MORN5: variants seen among roughly 807,000 people sequenced by gnomAD.
MORN5 encodes MORN repeat-containing protein 5.
Under a neutral mutation model 22.1 loss-of-function variants are expected in MORN5, and 21 were observed. That is an observed-to-expected ratio of 0.95 (90% CI 0.67 to 1.37). MORN5 has a LOEUF of 1.37. Among genes scored for constraint, MORN5 ranks in the 40% most tolerant of loss-of-function variants. The pLI, the probability that MORN5 is intolerant of heterozygous loss-of-function variation, is 0.00. For missense variants in MORN5, 211 were observed against 215.1 expected, an observed-to-expected ratio of 0.98 and a Z score of 0.12; for synonymous variants, 73 against 74.0, an observed-to-expected ratio of 0.99 and a Z score of 0.07.
At chr9:122,176,931 CAGG>C (rs1199115554) in intron 4 of MORN5, among the ~76,000 whole-genome samples, 6 of 152,134 alleles carry the variant, frequency 3.9e-5, no homozygotes, top group Non-Finnish European at 8.8e-5. Context: ...TGATGGCTAC[CAGG>C]GAACTAGAAA....
intron 4 of MORN5, among the ~76,000 whole-genome samples, chr9:122,191,346 G>A (rs375008624): frequency 1.3e-5 from 2 of 152,176 alleles, no homozygotes; most frequent in African/African-American, 4.8e-5. Context: ...GCACACACTC[G>A]CAGCTTCACT....
intron 4 of MORN5, among the ~76,000 whole-genome samples, chr9:122,192,816 C>T (rs929303420): frequency 2.2e-4 from 33 of 152,338 alleles, no homozygotes; most frequent in African/African-American, 5.8e-4. Flanking sequence ...GGCGTGCCTG[C>T]CTTGCCCTCT....
chr9:122,183,081 A>G (rs1045949421), intron 4 of MORN5, among the ~76,000 whole-genome samples: 1 of 152,252 alleles, frequency 6.6e-6, no homozygotes, highest in African/African-American at 2.4e-5. Context: ...TTCCCAAGTG[A>G]ATGAAAAGGT....
intron 4 of MORN5, among the ~76,000 whole-genome samples, chr9:122,186,194 A>G (rs1327406699): frequency 6.6e-6 from 1 of 152,164 alleles, no homozygotes; most frequent in Non-Finnish European, 1.5e-5. Flanking sequence ...GGTGCCAGGG[A>G]CTTACCACAT....
chr9:122,196,395 G>C (rs145789115), intron 4 of MORN5, among the ~76,000 whole-genome samples: 1 of 149,676 alleles, frequency 6.7e-6, no homozygotes, highest in East Asian at 2.0e-4. Context: ...GGGCAGTGGC[G>C]CAATCTCGGC....
At chr9:122,185,447 C>T (rs1189446230) in intron 4 of MORN5, among the ~76,000 whole-genome samples, 3 of 144,068 alleles carry the variant, frequency 2.1e-5, no homozygotes, top group Non-Finnish European at 4.5e-5. Flanking sequence ...AGGATGGTCT[C>T]GATCTCCTGA....
chr9:122,191,215 C>T (rs948228450), intron 4 of MORN5, among the ~76,000 whole-genome samples: 1 of 152,210 alleles, frequency 6.6e-6, no homozygotes, highest in African/African-American at 2.4e-5. Context: ...GTCACATGAG[C>T]CACACACCAT....
intron 3 of MORN5, among the ~76,000 whole-genome samples, chr9:122,170,512 T>C (rs1829350571): frequency 6.6e-6 from 1 of 152,218 alleles, no homozygotes; most frequent in Non-Finnish European, 1.5e-5. Flanking sequence ...AAAGCAGTAC[T>C]GACAGAGCAT....
intron 1 of MORN5, among the ~76,000 whole-genome samples, chr9:122,165,609 T>G (rs919162602): frequency 2.0e-5 from 3 of 151,822 alleles, no homozygotes; most frequent in Non-Finnish European, 4.4e-5. Flanking sequence ...AAGAAGCTAG[T>G]CAACTGGTCA....
chr9:122,165,521 G>A (rs1353273903), intron 1 of MORN5, among the ~76,000 whole-genome samples: 1 of 152,002 alleles, frequency 6.6e-6, no homozygotes, highest in Non-Finnish European at 1.5e-5. Context: ...GCTGCATTGA[G>A]CCATGATCAC....
Position 122,166,828 on chromosome 9 carries a change from G to A in MORN5, c.108G>A (p.Lys36=), listed in dbSNP as rs773153780. The change falls in exon 2 of 5, where the codon AAG becomes AAA. Residue 36 remains lysine, a synonymous_variant. Coordinates refer to ENST00000373764, the MANE Select transcript of MORN5 (RefSeq NM_198469.4). Reference sequence around the variant, plus strand: ...AAACAATATATGTTGGGGAAATGAAGGATGGCATGTTTCACGGCGAGGGAA... The same window carrying A: ...AAACAATATATGTTGGGGAAATGAAAGATGGCATGTTTCACGGCGAGGGAA... ...PTETIYVGEM[K]DGMFHGEGTL... The A allele has an allele frequency of 1.2e-6, 2 of 1,614,010 alleles. No homozygotes were observed. Among genetic ancestry groups the A allele is most frequent in the Admixed American group, 3.3e-5 (2 of 60,008 alleles).
intron 1 of MORN5, among the ~76,000 whole-genome samples, chr9:122,162,319 G>A (rs1261783173): frequency 6.6e-6 from 1 of 152,120 alleles, no homozygotes; most frequent in Non-Finnish European, 1.5e-5. Flanking sequence ...AATGAATAGA[G>A]TAACCTCTCT....
At chr9:122,192,139 T>C (rs1287535906) in intron 4 of MORN5, among the ~76,000 whole-genome samples, 1 of 152,228 alleles carries the variant, frequency 6.6e-6, no homozygotes, top group Non-Finnish European at 1.5e-5. Context: ...AGCGAGTCGG[T>C]GGCTCAGCAT....
Position 122,189,372 on chromosome 9 carries a change from T to C in MORN5, c.440-10513T>C, listed in dbSNP as rs187176947. On this transcript the variant is annotated intron_variant, in intron 4 of 4. Coordinates refer to ENST00000373764, the MANE Select transcript of MORN5 (RefSeq NM_198469.4). ...ACCTTGGGAGGCTAAAGTGGGAGGA[T>C]TGCTTGAAGCCAGGAGTTTAAGACC... is the stretch of plus-strand genomic sequence containing the variant. Among the ~76,000 whole-genome samples, 11 of 152,222 alleles carry C rather than the reference T, an allele frequency of 7.2e-5. No individual in the cohort carries two copies. In the East Asian group the frequency reaches 1.7e-3, roughly 24 times the overall value.
intron 4 of MORN5, among the ~76,000 whole-genome samples, chr9:122,185,837 G>A (rs1829621404): frequency 6.6e-6 from 1 of 152,158 alleles, no homozygotes; most frequent in Admixed American, 6.5e-5. Flanking sequence ...CTGCTGGCCG[G>A]AACTCCTTCT....
At chr9:122,160,566 TTTCC>T (rs1018744354) in intron 1 of MORN5, among the ~76,000 whole-genome samples, 78 of 151,188 alleles carry the variant, frequency 5.2e-4, no homozygotes, top group African/African-American at 1.3e-3. Flanking sequence ...TCCTTCCTTT[TTTCC>T]TTCCTTCCTT....
intron 4 of MORN5, chr9:122,175,578 GCACA>G: frequency 2.3e-6 from 2 of 875,906 alleles, no homozygotes; most frequent in Non-Finnish European, 1.4e-6. Flanking sequence ...TCCAATGCAT[GCACA>G]CACACACACA....
chr9:122,180,003 G>A (rs151117839), intron 4 of MORN5, among the ~76,000 whole-genome samples: 28 of 152,354 alleles, frequency 1.8e-4, no homozygotes, highest in African/African-American at 5.3e-4. Context: ...TCAGAGCTGG[G>A]AATGCTTATT....
intron 4 of MORN5, among the ~76,000 whole-genome samples, chr9:122,196,219 A>G: frequency 6.6e-6 from 1 of 152,016 alleles, no homozygotes; most frequent in East Asian, 1.9e-4. Context: ...TCAGCCTCCC[A>G]AAGTGTTGGG....
Sources: gnomAD v4.1 joint callset for allele counts (sites outside exome capture counted in the v4.1 genomes callset) on GRCh38, gnomAD v4.1.1 for gene constraint, MANE v1.5 for transcripts, NCBI Gene and HGNC (gene_info 2026-07-23, HGNC 2026-07-21) for gene names.